SNX29: variants seen among roughly 807,000 people sequenced by gnomAD.
SNX29 encodes the protein sorting nexin-29.
SNX29 carries 78 observed loss-of-function variants against 102.1 expected under a neutral mutation model. The observed-to-expected ratio is 0.76, with a 90% CI of 0.64 to 0.92. The LOEUF (loss-of-function observed/expected upper bound fraction) is 0.92, where lower values mean the gene tolerates loss of function less well. Ranked by LOEUF, SNX29 falls within the 40% of genes least tolerant of loss-of-function variation. The probability of loss-of-function intolerance (pLI) is 0.00; values close to 1 mark genes in which losing one functional copy is unlikely to be tolerated. For missense variants in SNX29, 1,280 were observed against 1,061.7 expected (o/e 1.21, Z -2.86); for synonymous variants, 580 against 414.5 (o/e 1.40, Z -4.85).
chr16:12,412,963 CCTT>C (rs1362325249), intron 18 of SNX29, among the ~76,000 whole-genome samples: 1 of 152,216 alleles, frequency 6.6e-6, no homozygotes, highest in African/African-American at 2.4e-5. Flanking sequence ...TTTCCTGACT[CCTT>C]CTGCGCCCAG....
rs142690853 is a variant in SNX29 at position 12,571,084 on chromosome 16, C to G, written c.*2455C>G. 4.7e-4 allele frequency: 110 copies of G among 232,742 alleles called. 1 individual carries two copies. The highest frequency in any genetic ancestry group is 2.1e-3 in the African/African-American group (97 of 45,436). 14.4% of individuals were successfully genotyped at this position (232,742 alleles called of 1,614,324 possible). A position where few individuals can be genotyped will look rare whatever the true frequency, so the allele number is the denominator to read the frequency against. Reference sequence around the variant, plus strand: ...GCTGGTGGCCCGCACATGACAGCAACTCCCCGAAGCCTTCCCTTTGGAATC... The same window carrying G: ...GCTGGTGGCCCGCACATGACAGCAAGTCCCCGAAGCCTTCCCTTTGGAATC... On this transcript the variant is annotated 3_prime_UTR_variant, in exon 21 of 21. Transcript: ENST00000566228.
At chr16:12,346,820 G>A (rs1597014950) in intron 15 of SNX29, among the ~76,000 whole-genome samples, 1 of 152,166 alleles carries the variant, frequency 6.6e-6, no homozygotes, top group African/African-American at 2.4e-5. Flanking sequence ...GGCCAGGAGA[G>A]CATCATTGTC....
At position 12,123,897 on chromosome 16, in the gene SNX29, G is replaced by A. The variant is rs143785095; in HGVS notation, c.1403-2736G>A. Among the ~76,000 whole-genome samples, 24 of 152,324 alleles carry A rather than the reference G, an allele frequency of 1.6e-4. No individual in the cohort carries two copies. In the East Asian group the frequency reaches 4.2e-3, roughly 27 times the overall value. ...AACAGTACAGAAGTGGGTGGGTGTG[G>A]CCGTGTTTGGGGAAAGCTTTACTGG... On this transcript the variant is annotated intron_variant, in intron 11 of 20. Coordinates refer to ENST00000566228, the MANE Select transcript of SNX29 (RefSeq NM_032167.5).
intron 10 of SNX29, among the ~76,000 whole-genome samples, chr16:12,077,573 C>A (rs555154256): frequency 6.6e-6 from 1 of 152,262 alleles, no homozygotes; most frequent in African/African-American, 2.4e-5. Context: ...GAAGACTGAA[C>A]CAGTGCTCCT....
chr16:12,403,333 G>T, intron 17 of SNX29, 115 bp from the exon 18 acceptor site: 2 of 878,746 alleles, frequency 2.3e-6, no homozygotes, highest in Non-Finnish European at 1.7e-6. Flanking sequence ...GTCATAAATT[G>T]CTTGTGCATA....
At chr16:12,305,495 G>A (rs2080310821) in intron 15 of SNX29, among the ~76,000 whole-genome samples, 1 of 152,176 alleles carries the variant, frequency 6.6e-6, no homozygotes, top group Non-Finnish European at 1.5e-5. Flanking sequence ...ATCTTCAGAA[G>A]GAGCAGGAGT....
intron 5 of SNX29, among the ~76,000 whole-genome samples, chr16:12,044,869 C>T (rs1435060773): frequency 1.3e-5 from 2 of 152,226 alleles, no homozygotes; most frequent in Admixed American, 6.5e-5. Context: ...GCGTGAGTTA[C>T]TGTGTCTGGC....
At chr16:12,049,613 G>A (rs1222792135) in intron 7 of SNX29, among the ~76,000 whole-genome samples, 1 of 152,054 alleles carries the variant, frequency 6.6e-6, no homozygotes, top group Non-Finnish European at 1.5e-5. Context: ...GATTACAGGC[G>A]TGAGCCACTG....
Position 12,477,869 on chromosome 16 carries a change from C to T in SNX29, c.2178+10C>T, listed in dbSNP as rs146076349. The T allele has an allele frequency of 0.013, 20,214 of 1,575,008 alleles. 164 individuals are homozygous for T. The highest frequency in any genetic ancestry group is 0.022 in the Middle Eastern group (128 of 5,928). ...GGCCATTGGAAACAAGGTACCATCC[C>T]GTGCTGGGAAGCCCACTTGTCACTG... On this transcript the variant is annotated intron_variant, in intron 19 of 20. Coordinates refer to ENST00000566228, the MANE Select transcript of SNX29 (RefSeq NM_032167.5).
At chr16:12,161,332 TCCCCGA>T (rs2055776221) in intron 13 of SNX29, among the ~76,000 whole-genome samples, 1 of 152,164 alleles carries the variant, frequency 6.6e-6, no homozygotes, top group African/African-American at 2.4e-5. Flanking sequence ...ATCACGAGGT[TCCCCGA>T]CCTCTGACTT....
chr16:12,252,977 G>C (rs995776330), intron 14 of SNX29, among the ~76,000 whole-genome samples: 1 of 152,208 alleles, frequency 6.6e-6, no homozygotes, highest in Admixed American at 6.5e-5. Context: ...ATAGGAGTGG[G>C]GGAGGGTTCT....
intron 16 of SNX29, among the ~76,000 whole-genome samples, chr16:12,393,088 G>A (rs2083588550): frequency 6.6e-6 from 1 of 152,202 alleles, no homozygotes; most frequent in Non-Finnish European, 1.5e-5. Context: ...ATAAGGGCAG[G>A]CTATTTGAAA....
At chr16:12,440,135 C>G (rs1045694376) in intron 18 of SNX29, among the ~76,000 whole-genome samples, 5 of 152,196 alleles carry the variant, frequency 3.3e-5, no homozygotes, top group African/African-American at 1.2e-4. Flanking sequence ...TGGAACACGG[C>G]CCAGAGCAGG....
chr16:12,462,453 C>A (rs570899871), intron 18 of SNX29, among the ~76,000 whole-genome samples: 1 of 152,150 alleles, frequency 6.6e-6, no homozygotes, highest in African/African-American at 2.4e-5. Context: ...TTTCTGTTAC[C>A]AAAGTCTGTT....
At chr16:12,408,252 C>T (rs916551433) in intron 18 of SNX29, among the ~76,000 whole-genome samples, 1 of 152,180 alleles carries the variant, frequency 6.6e-6, no homozygotes, top group Non-Finnish European at 1.5e-5. Flanking sequence ...GAAGATCTCA[C>T]CTGCATGGGC....
At chr16:12,254,501 C>T (rs1210571789) in intron 14 of SNX29, among the ~76,000 whole-genome samples, 2 of 152,012 alleles carry the variant, frequency 1.3e-5, no homozygotes, top group South Asian at 2.1e-4. Flanking sequence ...ATGAGTCAGG[C>T]GTGGTGGTGC....
chr16:12,165,886 G>A (rs1278227356), intron 13 of SNX29, among the ~76,000 whole-genome samples: 1 of 152,246 alleles, frequency 6.6e-6, no homozygotes, highest in Non-Finnish European at 1.5e-5. Flanking sequence ...CCTTCTGACT[G>A]ATGAGAGTCA....
At chr16:11,984,066 G>T (rs565409516) in intron 1 of SNX29, among the ~76,000 whole-genome samples, 2 of 152,294 alleles carry the variant, frequency 1.3e-5, no homozygotes, top group African/African-American at 2.4e-5. Context: ...GAATGAAAAA[G>T]ATTGAGCTGG....
intron 9 of SNX29, among the ~76,000 whole-genome samples, chr16:12,068,594 G>T (rs2051147684): frequency 6.6e-6 from 1 of 151,982 alleles, no homozygotes; most frequent in South Asian, 2.1e-4. Context: ...GCCCAGGCTG[G>T]AGTGCAATGG....
Sources: allele counts gnomAD v4.1 joint callset (sites outside exome capture counted in the v4.1 genomes callset), GRCh38; gene constraint gnomAD v4.1.1; transcripts MANE v1.5; gene names NCBI Gene and HGNC (gene_info 2026-07-23, HGNC 2026-07-21).